Variants in VWF observed in about 807,000 individuals in gnomAD.
The protein encoded by VWF is von Willebrand factor.
A neutral mutation model predicts 308.6 loss-of-function variants in VWF; 176 were observed. The ratio of observed to expected loss-of-function variants is 0.57; its 90% CI spans 0.50 to 0.65. The LOEUF (loss-of-function observed/expected upper bound fraction) is 0.65. Among genes scored for constraint, VWF ranks in the 30% least tolerant of loss-of-function variants. The pLI is 0.00. For missense variants in VWF, 3,146 were observed against 3,648.2 expected (o/e 0.86, Z 3.55); for synonymous variants, 1,385 against 1,443.4 (o/e 0.96, Z 0.92).
intron 17 of VWF, 24 bp from the exon 18 acceptor site, chr12:6,044,475 G>C (rs1275730979): frequency 6.2e-7 from 1 of 1,612,334 alleles, no homozygotes; most frequent in Admixed American, 1.7e-5. Flanking sequence ...AAAGCAAAGA[G>C]ATGATTAGTG....
At position 6,031,622 on chromosome 12, in the gene VWF, G is replaced by A. The variant is rs557362031; in HGVS notation, c.2686-44C>T. ...CAGGAGAAGACCATTATCCCCACTG[G>A]CTCTCACCAGACCAGAAGATTGGCA... On this transcript the variant is annotated intron_variant, in intron 20 of 51. Transcript: ENST00000261405. 8 of 1,613,358 alleles carry A rather than the reference G, an allele frequency of 5.0e-6. No homozygotes were observed. In the African/African-American group the frequency reaches 5.3e-5, roughly 11 times the overall value.
intron 42 of VWF, among the ~76,000 whole-genome samples, chr12:5,981,042 G>C (rs1335132975): frequency 2.6e-5 from 4 of 152,134 alleles, no homozygotes; most frequent in African/African-American, 9.7e-5. Context: ...TCAGTTTATA[G>C]ACTATTGTCA....
At chr12:6,121,936 AAAAAAG>A (rs922421405) in intron 2 of VWF, among the ~76,000 whole-genome samples, 28 of 152,252 alleles carry the variant, frequency 1.8e-4, no homozygotes, top group South Asian at 6.2e-4. Flanking sequence ...GTCTCGAAAA[AAAAAAG>A]AAAAAGAAAA....
chr12:6,108,980 C>CAAA (rs748182676), intron 5 of VWF, among the ~76,000 whole-genome samples: 3 of 63,832 alleles, frequency 4.7e-5, no homozygotes, highest in South Asian at 5.5e-4. Context: ...GACTCCGTCT[C>CAAA]AAAAAAAAAA....
At position 6,110,558 on chromosome 12, in the gene VWF, T is replaced by G. The variant is rs1281205147; in HGVS notation, c.348A>C (p.Lys116Asn). 6.2e-7 allele frequency: 1 copy of G among 1,614,144 alleles called. No individual in the cohort carries two copies. Among genetic ancestry groups the G allele is most frequent in the Admixed American group, 1.7e-5 (1 of 60,020 alleles). ...CAGCCTCAGTTTCTAGATACAGCCC[T>G]TTGGAGGCATAGGGCATGGAGACTC... ...DQRVSMPYAS[K>N]GLYLETEAGY... is the part of the protein sequence containing the mutation. The change falls in exon 5 of 52, where the codon AAA (lysine) becomes AAC (asparagine). Residue 116 changes from lysine (K) to asparagine (N), a missense_variant. Lys to Asn is a moderately conservative substitution (Grantham distance 94). Transcript: ENST00000261405.
chr12:6,008,904 G>T (rs1051981340), intron 34 of VWF, among the ~76,000 whole-genome samples: 3 of 151,968 alleles, frequency 2.0e-5, no homozygotes, highest in African/African-American at 7.3e-5. Context: ...GAATGAAATT[G>T]GACCCTTACC....
chr12:6,040,007 C>T (rs1413598241), intron 18 of VWF, among the ~76,000 whole-genome samples: 1 of 152,150 alleles, frequency 6.6e-6, no homozygotes, highest in East Asian at 1.9e-4. Flanking sequence ...ACCAGAATTT[C>T]CACTATACAA....
At chr12:6,018,170 A>G (rs1944083626) in intron 28 of VWF, among the ~76,000 whole-genome samples, 195 bp downstream of exon 28, 2 of 152,184 alleles carry the variant, frequency 1.3e-5, no homozygotes, top group Non-Finnish European at 2.9e-5. Context: ...CTTCCCCCGA[A>G]AAAGGATCAC....
chr12:5,952,578 C>G (rs556082780), intron 48 of VWF, 59 bp from the exon 49 acceptor site: 1 of 1,596,690 alleles, frequency 6.3e-7, no homozygotes, highest in East Asian at 2.3e-5. Flanking sequence ...AAAGCCACTT[C>G]AAACCATGAG....
At chr12:5,954,501 C>T (rs556428062) in intron 47 of VWF, among the ~76,000 whole-genome samples, 1 of 152,242 alleles carries the variant, frequency 6.6e-6, no homozygotes, top group Admixed American at 6.5e-5. Context: ...CCATGAGGGC[C>T]GTCTGTATGG....
chr12:6,120,982 C>A (rs908523919), intron 3 of VWF, among the ~76,000 whole-genome samples, 192 bp downstream of exon 3: 2 of 152,214 alleles, frequency 1.3e-5, no homozygotes, highest in African/African-American at 4.8e-5. Flanking sequence ...CCATCCCACC[C>A]GGCTCCCGTG....
At chr12:6,108,734 C>A (rs1364727473) in intron 5 of VWF, among the ~76,000 whole-genome samples, 1 of 152,074 alleles carries the variant, frequency 6.6e-6, no homozygotes, top group African/African-American at 2.4e-5. Context: ...GTAAGCCCAG[C>A]ACTTTGGGAG....
At chr12:6,089,412 A>G (rs112426043) in intron 6 of VWF, among the ~76,000 whole-genome samples, 2,300 of 152,288 alleles carry the variant, frequency 0.015, 66 homozygotes, top group African/African-American at 0.05. Context: ...AGAACCTGGT[A>G]CCCAGTTTTT....
chr12:5,992,085 T>C, intron 37 of VWF, 67 bp from the exon 38 acceptor site: 1 of 1,459,712 alleles, frequency 6.9e-7, no homozygotes, highest in East Asian at 2.3e-5. Flanking sequence ...GCACAGCTGA[T>C]TCAACATGGT....
chr12:5,951,211 G>A (rs1943186347), intron 50 of VWF, among the ~76,000 whole-genome samples: 1 of 152,158 alleles, frequency 6.6e-6, no homozygotes, highest in African/African-American at 2.4e-5. Context: ...ACTGTCTGAT[G>A]TGCAGATTTG....
At chr12:6,021,863 G>C in intron 27 of VWF, 37 bp downstream of exon 27, 1 of 1,613,928 alleles carries the variant, frequency 6.2e-7, no homozygotes, top group Non-Finnish European at 8.5e-7. Flanking sequence ...GAAGCAATAA[G>C]ATTCATCACT....
chr12:6,095,976 G>A (rs1945101598), intron 5 of VWF: 1 of 337,732 alleles, frequency 3.0e-6, no homozygotes, highest in Admixed American at 4.2e-5. Flanking sequence ...CAGGCTCTAG[G>A]TCTGTTTTTA....
intron 2 of VWF, chr12:6,122,797 A>G: frequency 1.7e-6 from 1 of 583,546 alleles, no homozygotes. Flanking sequence ...TCATTGTACC[A>G]TGGGAGGTTC....
In VWF at chr12:6,075,837, G is replaced by A. The variant is rs1488885278; in HGVS notation, c.658-286C>T. ...CCATGGTGGGCAGTGTCCTAGGAAC[G>A]GACAGAGGATGGAGAGAAGCACAAA... On this transcript the variant is annotated intron_variant, in intron 6 of 51. Transcript: ENST00000261405. The surrounding 1 kb of genome is among the most constrained non-coding windows in gnomAD (Gnocchi z 4.7). Among the ~76,000 whole-genome samples, 4 of 152,226 alleles carry A rather than the reference G, an allele frequency of 2.6e-5. No homozygotes were observed. The highest frequency in any genetic ancestry group is 6.5e-5 in the Admixed American group (1 of 15,280).
Sources: allele counts gnomAD v4.1 joint callset (sites outside exome capture counted in the v4.1 genomes callset), GRCh38; gene constraint gnomAD v4.1.1; non-coding constraint Gnocchi (gnomAD v3.1); transcripts MANE v1.5; gene names NCBI Gene and HGNC (gene_info 2026-07-23, HGNC 2026-07-21).